Variants in COX16 observed in about 807,000 individuals in gnomAD.
COX16 encodes the protein cytochrome c oxidase assembly protein COX16 homolog, mitochondrial.
A neutral mutation model predicts 15.4 loss-of-function variants in COX16; 12 were observed. The ratio of observed to expected loss-of-function variants is 0.78; its 90% CI spans 0.50 to 1.26. COX16 has a LOEUF of 1.26. COX16 is among the 50% of genes most tolerant of loss of function. COX16 has a pLI of 0.00. For missense variants in COX16, 124 were observed against 127.6 expected, an observed-to-expected ratio of 0.97 and a Z score of 0.14; for synonymous variants, 46 against 41.1, an observed-to-expected ratio of 1.12 and a Z score of -0.46.
chr14:70,347,446 C>G (rs1015033848), intron 1 of COX16, among the ~76,000 whole-genome samples: 1 of 152,176 alleles, frequency 6.6e-6, no homozygotes, highest in African/African-American at 2.4e-5. Context: ...TTTGCCTTTA[C>G]ATGGGAAAAC....
intron 1 of COX16, among the ~76,000 whole-genome samples, chr14:70,358,895 C>T (rs1239332909): frequency 6.6e-6 from 1 of 152,124 alleles, no homozygotes; most frequent in African/African-American, 2.4e-5. Flanking sequence ...CATATAAACA[C>T]GGAAGCTGTT....
At chr14:70,343,300 C>G (rs1364311702) in intron 1 of COX16, among the ~76,000 whole-genome samples, 2 of 152,180 alleles carry the variant, frequency 1.3e-5, no homozygotes, top group African/African-American at 4.8e-5. Flanking sequence ...ATACTCATTG[C>G]CCATATTGCA....
chr14:70,353,096 C>A (rs1887010537), intron 1 of COX16, among the ~76,000 whole-genome samples: 1 of 151,600 alleles, frequency 6.6e-6, no homozygotes, highest in Non-Finnish European at 1.5e-5. Flanking sequence ...CCCCATCTCT[C>A]CTAAAAATAC....
rs1886060132 is a variant in COX16 at position 70,326,065 on chromosome 14, C to CTGTT, written c.*264_*267dup. ...TAGTTGGAGAGTGGAATACGTGACT[C>CTGTT]TGTTTTTGGAGCAGTATTCACATTT... is the stretch of plus-strand genomic sequence containing the variant. On this transcript the variant is annotated 3_prime_UTR_variant, in exon 4 of 4. Transcript: ENST00000389912. 2 of 195,428 alleles carry CTGTT rather than the reference C, an allele frequency of 1.0e-5. No homozygotes were observed. The highest frequency in any genetic ancestry group is 3.4e-4 in the South Asian group (2 of 5,880). 12.1% of individuals were successfully genotyped at this position (195,428 alleles called of 1,614,324 possible).
intron 3 of COX16, among the ~76,000 whole-genome samples, chr14:70,326,908 G>GGAATGAAAAGACTTTCCTACA (rs1275495076): frequency 1.2e-4 from 19 of 152,156 alleles, no homozygotes; most frequent in African/African-American, 4.6e-4. Context: ...CCTGGGCTTA[G>GGAATGAAAAGACTTTCCTACA]GAATGAAAAG....
intron 1 of COX16, among the ~76,000 whole-genome samples, chr14:70,354,238 G>A (rs1278628940): frequency 6.6e-6 from 1 of 152,040 alleles, no homozygotes; most frequent in African/African-American, 2.4e-5. Flanking sequence ...GAACAAATCA[G>A]AAAAAATATC....
intron 2 of COX16, among the ~76,000 whole-genome samples, chr14:70,334,332 G>A (rs564076042): frequency 6.6e-6 from 1 of 152,088 alleles, no homozygotes; most frequent in Non-Finnish European, 1.5e-5. Flanking sequence ...AGACCAGCCT[G>A]GTCAACATGG....
intron 2 of COX16, among the ~76,000 whole-genome samples, chr14:70,338,810 G>A (rs542611264): frequency 5.3e-5 from 8 of 152,264 alleles, no homozygotes; most frequent in African/African-American, 1.4e-4. Context: ...CTGCCTCATC[G>A]TGGACCTGTG....
chr14:70,340,997 A>ATAAGTAC (rs1886608706), intron 2 of COX16, among the ~76,000 whole-genome samples: 1 of 152,196 alleles, frequency 6.6e-6, no homozygotes, highest in Non-Finnish European at 1.5e-5. Context: ...TATAAACTTT[A>ATAAGTAC]TAAGTACTAG....
intron 1 of COX16, among the ~76,000 whole-genome samples, chr14:70,351,306 A>G (rs1170213707): frequency 6.6e-6 from 1 of 152,172 alleles, no homozygotes; most frequent in African/African-American, 2.4e-5. Flanking sequence ...CATCGTGCTT[A>G]CCATCTTGCA....
intron 3 of COX16, 45 bp downstream of exon 3, chr14:70,329,129 A>C (rs1377704977): frequency 6.4e-7 from 1 of 1,554,650 alleles, no homozygotes; most frequent in Admixed American, 2.0e-5. Flanking sequence ...AGATAAAACC[A>C]GTAACTGATT....
intron 1 of COX16, among the ~76,000 whole-genome samples, chr14:70,345,387 G>A (rs1207261099): frequency 6.6e-6 from 1 of 152,166 alleles, no homozygotes. Flanking sequence ...GGTGACAGTT[G>A]CTCCTTTTAT....
intron 2 of COX16, among the ~76,000 whole-genome samples, chr14:70,334,807 A>G (rs958128336): frequency 6.6e-6 from 1 of 152,360 alleles, no homozygotes; most frequent in Middle Eastern, 3.4e-3. Flanking sequence ...GAGGAGTTAC[A>G]CAACTAGAAA....
chr14:70,344,773 A>T (rs1886724969), intron 1 of COX16, among the ~76,000 whole-genome samples: 1 of 152,196 alleles, frequency 6.6e-6, no homozygotes, highest in African/African-American at 2.4e-5. Flanking sequence ...TAGCAGAAGC[A>T]GGAAGAGAGC....
At chr14:70,353,481 C>T (rs563811854) in intron 1 of COX16, among the ~76,000 whole-genome samples, 92 of 139,858 alleles carry the variant, frequency 6.6e-4, no homozygotes, top group African/African-American at 2.3e-3. Context: ...TATACATACA[C>T]ACACACATAG....
intron 2 of COX16, among the ~76,000 whole-genome samples, chr14:70,338,391 A>ATG (rs765660814): frequency 9.2e-5 from 14 of 152,318 alleles, no homozygotes; most frequent in Non-Finnish European, 1.5e-4. Flanking sequence ...GGATTAACAC[A>ATG]TGTGAACCAC....
chr14:70,344,570 T>C (rs1886718872), intron 1 of COX16, among the ~76,000 whole-genome samples: 1 of 152,236 alleles, frequency 6.6e-6, no homozygotes, highest in African/African-American at 2.4e-5. Context: ...TGTGTCGCTC[T>C]TATAAAACAA....
chr14:70,337,412 A>G (rs1886488432), intron 2 of COX16, among the ~76,000 whole-genome samples: 2 of 152,158 alleles, frequency 1.3e-5, no homozygotes, highest in African/African-American at 4.8e-5. Flanking sequence ...ACTGAAGTCA[A>G]GCCAGGACCT....
At chr14:70,348,507 T>G (rs1886849166) in intron 1 of COX16, among the ~76,000 whole-genome samples, 1 of 152,094 alleles carries the variant, frequency 6.6e-6, no homozygotes, top group Admixed American at 6.6e-5. Flanking sequence ...TTTACTTGGT[T>G]TGTAGATGGC....
Sources: gnomAD v4.1 joint callset for allele counts (sites outside exome capture counted in the v4.1 genomes callset) on GRCh38, gnomAD v4.1.1 for gene constraint, MANE v1.5 for transcripts, NCBI Gene and HGNC (gene_info 2026-07-23, HGNC 2026-07-21) for gene names.